The following RALGAPA2 variants were observed in gnomAD, a reference collection of about 807,000 sequenced individuals.
The protein encoded by RALGAPA2 is Ral GTPase activating protein catalytic subunit alpha 2, also known as ral GTPase-activating protein subunit alpha-2.
RALGAPA2 carries 139 observed loss-of-function variants against 230.4 expected under a neutral mutation model. The ratio of observed to expected loss-of-function variants is 0.60; its 90% CI spans 0.53 to 0.69. RALGAPA2 has a LOEUF of 0.69. Ranked by LOEUF, RALGAPA2 falls within the 30% of genes least tolerant of loss-of-function variation. The pLI is 0.00. For synonymous variants in RALGAPA2, 847 were observed against 837.8 expected (o/e 1.01, Z -0.19); for missense variants, 2,163 against 2,276.0 (o/e 0.95, Z 1.01).
At chr20:20,648,728 TG>T (rs1055252720) in intron 4 of RALGAPA2, among the ~76,000 whole-genome samples, 2 of 150,912 alleles carry the variant, frequency 1.3e-5, no homozygotes, top group Non-Finnish European at 3.0e-5. Context: ...CCATGGGGGA[TG>T]GGGGGAAGGC....
chr20:20,617,917 A>T (rs2146329492), intron 12 of RALGAPA2, among the ~76,000 whole-genome samples: 1 of 152,326 alleles, frequency 6.6e-6, no homozygotes, highest in Admixed American at 6.5e-5. Context: ...AGCACTATAT[A>T]TAATAAAATA....
chr20:20,534,971 T>C (rs2063462425), intron 26 of RALGAPA2, among the ~76,000 whole-genome samples: 2 of 152,166 alleles, frequency 1.3e-5, no homozygotes, highest in African/African-American at 4.8e-5. Context: ...GACTAGGAAA[T>C]TTGAACTAAC....
rs576139583 is a variant in RALGAPA2, at chr20:20,633,558, G to A, written c.1005+1860C>T. Among the ~76,000 whole-genome samples the A allele has an allele frequency of 1.5e-4, 23 of 152,256 alleles. No homozygotes were observed. The East Asian group carries it at 3.5e-3, about 23-fold the overall frequency. ...GCTGGAGTGCAGTGGCGCGATCTCC[G>A]CTCAGTGCAAGCTCCGCCTCCTGGG... On this transcript the variant is annotated intron_variant, in intron 9 of 39. Coordinates refer to ENST00000202677, the MANE Select transcript of RALGAPA2 (RefSeq NM_020343.4).
chr20:20,508,129 TGTGA>T (rs1353886533), intron 33 of RALGAPA2, among the ~76,000 whole-genome samples: 30 of 152,332 alleles, frequency 2.0e-4, no homozygotes, highest in Non-Finnish European at 4.4e-5. Flanking sequence ...GGCTGACCAA[TGTGA>T]GTGTGAGGAA....
chr20:20,458,481 ATATG>A (rs1429580493), intron 37 of RALGAPA2, among the ~76,000 whole-genome samples: 2 of 139,684 alleles, frequency 1.4e-5, no homozygotes, highest in Non-Finnish European at 3.0e-5. Flanking sequence ...TATATAATAT[ATATG>A]TATTTTATAT....
chr20:20,574,835 A>T (rs2064768517), intron 20 of RALGAPA2, among the ~76,000 whole-genome samples: 1 of 152,066 alleles, frequency 6.6e-6, no homozygotes, highest in Non-Finnish European at 1.5e-5. Flanking sequence ...TCTGGATTCC[A>T]CATCTCCAAC....
chr20:20,442,214 C>T (rs2060754668), intron 37 of RALGAPA2, among the ~76,000 whole-genome samples: 1 of 152,204 alleles, frequency 6.6e-6, no homozygotes. Flanking sequence ...GGGACAACAA[C>T]CCTACTTTCT....
At chr20:20,431,908 T>C (rs1169388846) in intron 37 of RALGAPA2, among the ~76,000 whole-genome samples, 1 of 152,192 alleles carries the variant, frequency 6.6e-6, no homozygotes, top group East Asian at 1.9e-4. Flanking sequence ...CCCGGGTTTT[T>C]CCTCTATGCA....
At chr20:20,499,201 C>A (rs1016591188) in intron 35 of RALGAPA2, among the ~76,000 whole-genome samples, 26 of 152,216 alleles carry the variant, frequency 1.7e-4, no homozygotes, top group Middle Eastern at 3.4e-3. Flanking sequence ...TGATGCTAAA[C>A]CTTACAGCTG....
chr20:20,667,026 C>T (rs1176643258), intron 3 of RALGAPA2, among the ~76,000 whole-genome samples: 1 of 152,096 alleles, frequency 6.6e-6, no homozygotes, highest in Admixed American at 6.5e-5. Flanking sequence ...AGGCAATTCA[C>T]TATTAGTATC....
At chr20:20,523,890 G>A (rs1482066349) in intron 30 of RALGAPA2, among the ~76,000 whole-genome samples, 1 of 152,120 alleles carries the variant, frequency 6.6e-6, no homozygotes, top group Non-Finnish European at 1.5e-5. Context: ...CATGTAAAAT[G>A]CATGCATCTT....
intron 35 of RALGAPA2, among the ~76,000 whole-genome samples, chr20:20,501,188 G>A (rs2062365426): frequency 2.6e-5 from 4 of 152,212 alleles, no homozygotes; most frequent in Admixed American, 2.6e-4. Flanking sequence ...GAGTCAGACT[G>A]TTCCTTTGAA....
chr20:20,589,387 G>C (rs971615782), intron 17 of RALGAPA2, 22 bp from the exon 18 acceptor site: 2 of 1,559,566 alleles, frequency 1.3e-6, no homozygotes, highest in Admixed American at 1.9e-5. Flanking sequence ...GGGGCAGGGG[G>C]GTAGCGGAAA....
At chr20:20,460,122 G>A (rs1433975345) in intron 37 of RALGAPA2, among the ~76,000 whole-genome samples, 3 of 152,214 alleles carry the variant, frequency 2.0e-5, no homozygotes, top group Non-Finnish European at 2.9e-5. Flanking sequence ...ACATGTGGCA[G>A]GGTCTGGGCC....
chr20:20,629,119 AATATAGAATT>A (rs2066584977), intron 10 of RALGAPA2, among the ~76,000 whole-genome samples: 1 of 152,212 alleles, frequency 6.6e-6, no homozygotes, highest in African/African-American at 2.4e-5. Context: ...ATTTTGCTCA[AATATAGAATT>A]TTCCCTCCTT....
chr20:20,680,154 CAGGCTACACTATCCTACCACTT>C (rs1408265871), intron 2 of RALGAPA2, among the ~76,000 whole-genome samples: 1 of 152,232 alleles, frequency 6.6e-6, no homozygotes, highest in Non-Finnish European at 1.5e-5. Flanking sequence ...TCTGGCTCCC[CAGGCTACACTATCCTACCACTT>C]AGGTGACAGG....
intron 37 of RALGAPA2, among the ~76,000 whole-genome samples, chr20:20,436,219 T>C (rs951642571): frequency 1.3e-5 from 2 of 152,160 alleles, no homozygotes; most frequent in African/African-American, 2.4e-5. Flanking sequence ...GCCTCCAGCA[T>C]ACAGTGCTTC....
intron 16 of RALGAPA2, 32 bp downstream of exon 16, chr20:20,601,649 AG>A (rs1264661506): frequency 6.3e-7 from 1 of 1,593,082 alleles, no homozygotes. Flanking sequence ...GATAACAATT[AG>A]ATTTTTGAGA....
At chr20:20,630,638 T>C (rs1380079995) in intron 9 of RALGAPA2, among the ~76,000 whole-genome samples, 1 of 152,168 alleles carries the variant, frequency 6.6e-6, no homozygotes, top group Non-Finnish European at 1.5e-5. Context: ...CACAGGAAAA[T>C]AAAACTTTAT....
Sources: allele counts gnomAD v4.1 joint callset (sites outside exome capture counted in the v4.1 genomes callset), GRCh38; gene constraint gnomAD v4.1.1; transcripts MANE v1.5; gene names NCBI Gene and HGNC (gene_info 2026-07-23, HGNC 2026-07-21).